SAR1B: variants seen among roughly 807,000 people sequenced by gnomAD.
SAR1B encodes the protein small COPII coat GTPase SAR1B.
SAR1B carries 23 observed loss-of-function variants against 26.8 expected under a neutral mutation model. The ratio of observed to expected loss-of-function variants is 0.86; its 90% CI spans 0.62 to 1.22. The LOEUF is 1.22. SAR1B is among the 50% of genes most tolerant of loss of function. The probability of loss-of-function intolerance (pLI) is 0.00; values close to 1 mark genes in which losing one functional copy is unlikely to be tolerated. For missense variants in SAR1B, 196 were observed against 232.8 expected, an observed-to-expected ratio of 0.84 and a Z score of 1.03; for synonymous variants, 65 against 80.8, an observed-to-expected ratio of 0.80 and a Z score of 1.05.
chr5:134,617,148 C>T (rs1765328184), intron 3 of SAR1B, among the ~76,000 whole-genome samples: 1 of 152,028 alleles, frequency 6.6e-6, no homozygotes, highest in South Asian at 2.1e-4. Flanking sequence ...GGGAGGAACA[C>T]TTGAACCTGG....
chr5:134,618,479 C>T (rs1292320923), intron 3 of SAR1B, among the ~76,000 whole-genome samples: 6 of 152,084 alleles, frequency 3.9e-5, no homozygotes, highest in Admixed American at 2.0e-4. Flanking sequence ...GTCCAGTTCT[C>T]AATTTTATAT....
chr5:134,604,991 T>C lies in SAR1B; in HGVS notation c.*1959A>G, dbSNP rs1048288003. 1.3e-5 allele frequency: 2 copies of C among 152,238 alleles called. No homozygotes were observed. Among genetic ancestry groups the C allele is most frequent in the African/African-American group, 2.4e-5 (1 of 41,460 alleles). 9.4% of individuals were successfully genotyped at this position (152,238 alleles called of 1,614,324 possible). On this transcript the variant is annotated 3_prime_UTR_variant, in exon 7 of 7. Transcript: ENST00000402673. ...GCAATGTCATGTTCTACTTTTCCCATAGTGTTACTGAGGTTTCCAGGAAGG... is the reference window on the plus strand; with the variant it reads ...GCAATGTCATGTTCTACTTTTCCCACAGTGTTACTGAGGTTTCCAGGAAGG...
In SAR1B at chr5:134,601,165, T is replaced by A. The variant is rs2150047038; in HGVS notation, c.*5785A>T. 1 of 152,330 alleles carries A rather than the reference T, an allele frequency of 6.6e-6. No individual in the cohort carries two copies. Among genetic ancestry groups the A allele is most frequent in the South Asian group, 2.1e-4 (1 of 4,822 alleles). 9.4% of individuals were successfully genotyped at this position (152,330 alleles called of 1,614,324 possible). A position where few individuals can be genotyped will look rare whatever the true frequency, so the allele number is the denominator to read the frequency against. On this transcript the variant is annotated 3_prime_UTR_variant, in exon 7 of 7. Coordinates refer to ENST00000402673, the MANE Select transcript of SAR1B (RefSeq NM_016103.4). Reference sequence around the variant, plus strand: ...ACACTAGAGTTCTTCAAGACCAGATTAGTATTTTATTTTTCCCTTCCTAAC... The same window carrying A: ...ACACTAGAGTTCTTCAAGACCAGATAAGTATTTTATTTTTCCCTTCCTAAC...
At chr5:134,612,639 TCTAAAAAAAAAAAAAAAAAAA>T in intron 4 of SAR1B, 31 bp downstream of exon 4, 1 of 974,398 alleles carries the variant, frequency 1.0e-6, no homozygotes, top group African/African-American at 3.9e-5. Context: ...AGTGAGCCTG[TCTAAAAAAAAAAAAAAAAAAA>T]AAAAAAAAAA....
rs1765130522 is a variant in SAR1B at position 134,606,513 on chromosome 5, T to G, written c.*437A>C. ...AAACTGTAAGGCATCATGCAATCATTGAATAAGCTAATTATTAACTGTACA... is the reference window on the plus strand; with the variant it reads ...AAACTGTAAGGCATCATGCAATCATGGAATAAGCTAATTATTAACTGTACA... On this transcript the variant is annotated 3_prime_UTR_variant, in exon 7 of 7. Coordinates refer to ENST00000402673, the MANE Select transcript of SAR1B (RefSeq NM_016103.4). 5.4e-6 allele frequency: 1 copy of G among 183,968 alleles called. No individual in the cohort carries two copies. Among genetic ancestry groups the G allele is most frequent in the Middle Eastern group, 2.8e-3 (1 of 356 alleles). The allele number at this position is 183,968 out of a possible 1,614,324, so 11.4% of individuals were successfully genotyped here. A position where few individuals can be genotyped will look rare whatever the true frequency, so the allele number is the denominator to read the frequency against.
intron 4 of SAR1B, among the ~76,000 whole-genome samples, chr5:134,610,719 A>G (rs1765198729): frequency 6.6e-6 from 1 of 151,938 alleles, no homozygotes; most frequent in African/African-American, 2.4e-5. Context: ...GGGAGACAGA[A>G]CCAGACTCTG....
intron 1 of SAR1B, among the ~76,000 whole-genome samples, chr5:134,626,579 C>A (rs1561789658): frequency 6.6e-6 from 1 of 152,050 alleles, no homozygotes; most frequent in Non-Finnish European, 1.5e-5. Flanking sequence ...TGCACCAATA[C>A]CAAACAGGAA....
chr5:134,611,943 G>T (rs1190667925), intron 4 of SAR1B, among the ~76,000 whole-genome samples: 1 of 152,152 alleles, frequency 6.6e-6, no homozygotes, highest in Non-Finnish European at 1.5e-5. Context: ...TGAGAGGATT[G>T]CTTGAGCCCA....
intron 3 of SAR1B, among the ~76,000 whole-genome samples, chr5:134,617,923 T>A (rs937635369): frequency 2.0e-5 from 3 of 152,082 alleles, no homozygotes; most frequent in Non-Finnish European, 4.4e-5. Context: ...TGCAGACAAT[T>A]TTATCTACTC....
At chr5:134,607,116 C>T (rs1423531403) in intron 6 of SAR1B, 50 bp from the exon 7 acceptor site, 1 of 1,101,844 alleles carries the variant, frequency 9.1e-7, no homozygotes, top group Non-Finnish European at 1.4e-6. Context: ...ATTAATAAAG[C>T]CCCACATCCC....
chr5:134,608,417 C>T lies in SAR1B; in HGVS notation c.435G>A (p.Glu145=), dbSNP rs776248008. 1.2e-6 allele frequency: 2 copies of T among 1,606,310 alleles called. No individual in the cohort carries two copies. Among genetic ancestry groups the T allele is most frequent in the South Asian group, 1.1e-5 (1 of 90,240 alleles). ...KIDRPEAISE[E]RLREMFGLYG... ...ATAAACCAAACATCTCTCGCAACCTCTCTTCACTGATGGCTTCAGGTCTGT... is the reference window on the plus strand; with the variant it reads ...ATAAACCAAACATCTCTCGCAACCTTTCTTCACTGATGGCTTCAGGTCTGT... Residue 145 remains glutamate, a synonymous_variant, in exon 6 of 7, where the codon GAG becomes GAA. Coordinates refer to ENST00000402673, the MANE Select transcript of SAR1B (RefSeq NM_016103.4).
At chr5:134,608,549 T>A (rs956399844) in intron 5 of SAR1B, 46 bp from the exon 6 acceptor site, 2 of 1,579,522 alleles carry the variant, frequency 1.3e-6, no homozygotes, top group Admixed American at 3.4e-5. Context: ...TATGAAACCA[T>A]CCAAAGAGCT....
At position 134,605,720 on chromosome 5, in the gene SAR1B, C is replaced by T. The variant is rs1285077231; in HGVS notation, c.*1230G>A. The T allele has an allele frequency of 7.4e-6, 1 of 134,918 alleles. No individual in the cohort carries two copies. The allele number at this position is 134,918 out of a possible 1,614,324, so 8.4% of individuals were successfully genotyped here. A position where few individuals can be genotyped will look rare whatever the true frequency, so the allele number is the denominator to read the frequency against. On this transcript the variant is annotated 3_prime_UTR_variant, in exon 7 of 7. Coordinates refer to ENST00000402673, the MANE Select transcript of SAR1B (RefSeq NM_016103.4). ...AAGTCTTTGTTGTATGGAGTAAGAA[C>T]TACCTGAGAGCAAATAAGAAAAAAG...
chr5:134,617,683 T>C (rs1203150272), intron 3 of SAR1B, among the ~76,000 whole-genome samples: 2 of 152,088 alleles, frequency 1.3e-5, no homozygotes, highest in African/African-American at 4.8e-5. Flanking sequence ...TTTTTTTCTG[T>C]GTTTTTTGTT....
chr5:134,621,092 A>C (rs1765400066), intron 2 of SAR1B, 40 bp from the exon 3 acceptor site: 1 of 1,600,526 alleles, frequency 6.2e-7, no homozygotes, highest in South Asian at 1.1e-5. Context: ...GTGATATCTG[A>C]TACTAATTAT....
chr5:134,618,876 T>TA (rs1236037925), intron 3 of SAR1B, among the ~76,000 whole-genome samples: 1 of 151,866 alleles, frequency 6.6e-6, no homozygotes, highest in African/African-American at 2.4e-5. Flanking sequence ...CACATGCCTG[T>TA]AATCCCAGCT....
chr5:134,616,273 C>T (rs1434569770), intron 3 of SAR1B, among the ~76,000 whole-genome samples: 1 of 151,648 alleles, frequency 6.6e-6, no homozygotes, highest in Non-Finnish European at 1.5e-5. Flanking sequence ...CCCGTCTCTA[C>T]TAAAAATACA....
chr5:134,612,499 G>A (rs1238562111), intron 4 of SAR1B, among the ~76,000 whole-genome samples, 192 bp downstream of exon 4: 4 of 151,780 alleles, frequency 2.6e-5, no homozygotes, highest in Non-Finnish European at 4.4e-5. Context: ...ACAAAAATCA[G>A]CTGGGCGCGG....
At chr5:134,608,541 T>C (rs781202529) in intron 5 of SAR1B, 38 bp from the exon 6 acceptor site, 4 of 1,597,114 alleles carry the variant, frequency 2.5e-6, no homozygotes, top group African/African-American at 1.3e-5. Context: ...AGAGTTGATA[T>C]GAAACCATCC....
Sources: allele counts gnomAD v4.1 joint callset (sites outside exome capture counted in the v4.1 genomes callset), GRCh38; gene constraint gnomAD v4.1.1; transcripts MANE v1.5; gene names NCBI Gene and HGNC (gene_info 2026-07-23, HGNC 2026-07-21).